The following SLC38A8 variants were observed in gnomAD, a reference collection of about 807,000 sequenced individuals.
SLC38A8 encodes the protein amino acid transporter SLC38A8.
A neutral mutation model predicts 46.0 loss-of-function variants in SLC38A8; 65 were observed. That is an observed-to-expected ratio of 1.41 (90% CI 1.16 to 1.74). The LOEUF is 1.74. SLC38A8 is among the 40% of genes most tolerant of loss of function. The pLI is 0.00. For missense variants in SLC38A8, 998 were observed against 567.9 expected (o/e 1.76, Z -7.70); for synonymous variants, 447 against 243.7 (o/e 1.83, Z -7.77).
chr16:84,029,700 C>T, intron 5 of SLC38A8, 149 bp from the exon 6 acceptor site: 4 of 764,258 alleles, frequency 5.2e-6, no homozygotes, highest in Non-Finnish European at 8.5e-6. Flanking sequence ...CGTGACCGGG[C>T]TTTTGGAAAT....
intron 5 of SLC38A8, among the ~76,000 whole-genome samples, chr16:84,031,212 A>T (rs2010830): frequency 2.0e-5 from 3 of 151,816 alleles, no homozygotes; most frequent in African/African-American, 7.3e-5. Flanking sequence ...GCTGAATTTT[A>T]TATTTTTATG....
chr16:84,013,165 G>A, intron 9 of SLC38A8, 113 bp from the exon 10 acceptor site: 2 of 1,218,596 alleles, frequency 1.6e-6, no homozygotes. Context: ...TCCGCCCATG[G>A]GTGCCCCTGG....
chr16:84,011,438 G>T (rs767332292), intron 10 of SLC38A8, among the ~76,000 whole-genome samples: 2 of 152,156 alleles, frequency 1.3e-5, no homozygotes, highest in South Asian at 2.1e-4. Flanking sequence ...AGAAGAAACC[G>T]GGCCAGGCCT....
intron 7 of SLC38A8, among the ~76,000 whole-genome samples, chr16:84,021,247 T>C (rs1035280215): frequency 3.3e-5 from 5 of 152,188 alleles, no homozygotes; most frequent in Non-Finnish European, 7.3e-5. Context: ...GTATTTTTAA[T>C]AGAAATGCGG....
chr16:84,029,903 C>G (rs1597269016), intron 5 of SLC38A8, among the ~76,000 whole-genome samples: 1 of 152,128 alleles, frequency 6.6e-6, no homozygotes, highest in Non-Finnish European at 1.5e-5. Flanking sequence ...GAGCATCCAC[C>G]CAGTGATCCC....
intron 6 of SLC38A8, among the ~76,000 whole-genome samples, chr16:84,027,774 G>A (rs2085182602): frequency 6.6e-6 from 1 of 152,202 alleles, no homozygotes; most frequent in South Asian, 2.1e-4. Flanking sequence ...GGAGAATCCG[G>A]TGAGGGCTGG....
At chr16:84,012,684 G>A (rs952829339) in intron 10 of SLC38A8, among the ~76,000 whole-genome samples, 1 of 152,212 alleles carries the variant, frequency 6.6e-6, no homozygotes, top group Non-Finnish European at 1.5e-5. Flanking sequence ...TCCTGCCCTG[G>A]GTCCGAGCCA....
intron 7 of SLC38A8, among the ~76,000 whole-genome samples, chr16:84,021,221 G>A (rs528955718): frequency 5.6e-4 from 85 of 152,262 alleles, no homozygotes; most frequent in African/African-American, 1.8e-3. Context: ...CCGCCACCAT[G>A]CTCGGCTAAT....
At chr16:84,043,359 G>T (rs2085387831), upstream of SLC38A8, among the ~76,000 whole-genome samples, 1 of 152,156 alleles carries the variant, frequency 6.6e-6, no homozygotes, top group Non-Finnish European at 1.5e-5. Context: ...TTTATTCCTG[G>T]AACCCAGGCT....
intron 6 of SLC38A8, among the ~76,000 whole-genome samples, chr16:84,028,045 AT>A (rs11297375): frequency 0.32 from 46,189 of 145,192 alleles, 7,844 homozygotes; most frequent in Non-Finnish European, 0.41. Flanking sequence ...ATGTTTCAAG[AT>A]TTTTTTTTTT....
At chr16:84,022,252 A>T (rs2085104012) in intron 7 of SLC38A8, among the ~76,000 whole-genome samples, 1 of 152,228 alleles carries the variant, frequency 6.6e-6, no homozygotes, top group Non-Finnish European at 1.5e-5. Context: ...ACCAGAAGCC[A>T]GCCGTGCCAG....
At chr16:84,017,006 G>C (rs560268034) in intron 8 of SLC38A8, 134 bp downstream of exon 8, 2 of 1,280,944 alleles carry the variant, frequency 1.6e-6, no homozygotes, top group African/African-American at 1.5e-5. Flanking sequence ...AATCCTCTGT[G>C]CCTGTTTCCT....
At chr16:84,018,219 ATTCC>A (rs1016012198) in intron 7 of SLC38A8, among the ~76,000 whole-genome samples, 1 of 122,676 alleles carries the variant, frequency 8.2e-6, no homozygotes, top group Non-Finnish European at 1.7e-5. Context: ...CTCAGCCCTC[ATTCC>A]TTTTTTTTTT....
chr16:84,034,608 T>C (rs1325299664), intron 3 of SLC38A8, among the ~76,000 whole-genome samples: 1 of 152,210 alleles, frequency 6.6e-6, no homozygotes, highest in Non-Finnish European at 1.5e-5. Flanking sequence ...TGCTTCTTTG[T>C]TCTCACTCAA....
At chr16:84,023,525 G>C (rs960462275) in intron 6 of SLC38A8, among the ~76,000 whole-genome samples, 2 of 152,068 alleles carry the variant, frequency 1.3e-5, no homozygotes, top group African/African-American at 4.8e-5. Flanking sequence ...AACACACAGA[G>C]CATGATGTGG....
chr16:84,033,387 G>C lies in SLC38A8; in HGVS notation c.471C>G (p.Ser157=), dbSNP rs146958948. Residue 157 remains serine (S), a synonymous_variant, in exon 4 of 11, where the codon TCC becomes TCG. Transcript: ENST00000299709. Reference sequence around the variant, plus strand: ...CAGACAGGGGCAGGATGACCAGCACGGAGAGCAGGGGCAGGGTGAAGCGCT... The same window carrying C: ...CAGACAGGGGCAGGATGACCAGCACCGAGAGCAGGGGCAGGGTGAAGCGCT... The part of the protein sequence containing the change: ...ADQRFTLPLL[S]VLVILPLSAP... The C allele has an allele frequency of 1.9e-6, 3 of 1,614,040 alleles. No individual in the cohort carries two copies. The highest frequency in any genetic ancestry group is 2.5e-6 in the Non-Finnish European group (3 of 1,179,974).
rs773158979 is a variant in SLC38A8, at chr16:84,036,724, C to T, written c.366G>A (p.Val122=). ...LLMISVAFLR[V]IGDQLEKLCD... is the part of the protein sequence containing the mutation. Reference sequence around the variant, plus strand: ...TACGCTTCTCCAGCTGGTCCCCGATCACCCTGAGGAAGGCCACGGAGATCA... The same window carrying T: ...TACGCTTCTCCAGCTGGTCCCCGATTACCCTGAGGAAGGCCACGGAGATCA... Residue 122 remains valine, a synonymous_variant, in exon 3 of 11, where the codon GTG becomes GTA. Coordinates refer to ENST00000299709, the MANE Select transcript of SLC38A8 (RefSeq NM_001080442.3). The T allele has an allele frequency of 2.4e-5, 38 of 1,614,232 alleles. No homozygotes were observed. In the East Asian group the frequency reaches 8.2e-4, roughly 35 times the overall value.
chr16:84,034,877 T>C (rs111579404), intron 3 of SLC38A8, among the ~76,000 whole-genome samples: 11 of 152,078 alleles, frequency 7.2e-5, no homozygotes, highest in African/African-American at 2.7e-4. Context: ...ACAGCAGGAC[T>C]GTACCAGCTC....
intron 6 of SLC38A8, among the ~76,000 whole-genome samples, chr16:84,025,206 T>C (rs927091972): frequency 6.6e-5 from 10 of 152,180 alleles, no homozygotes; most frequent in African/African-American, 2.4e-4. Context: ...CCCAGGCTCC[T>C]GGGGCTGGTT....
Sources: gnomAD v4.1 joint callset for allele counts (sites outside exome capture counted in the v4.1 genomes callset) on GRCh38, gnomAD v4.1.1 for gene constraint, MANE v1.5 for transcripts, NCBI Gene and HGNC (gene_info 2026-07-23, HGNC 2026-07-21) for gene names.